The following USP3 variants were observed in gnomAD, a reference collection of about 807,000 sequenced individuals.
The protein encoded by USP3 is ubiquitin specific peptidase 3.
Under a neutral mutation model 72.3 loss-of-function variants are expected in USP3, and 20 were observed. The ratio of observed to expected loss-of-function variants is 0.28; its 90% CI spans 0.19 to 0.40. The LOEUF (loss-of-function observed/expected upper bound fraction) is 0.40. Among genes scored for constraint, USP3 ranks in the 10% least tolerant of loss-of-function variants. The pLI is 1.00. For synonymous variants in USP3, 222 were observed against 225.3 expected, an observed-to-expected ratio of 0.99 and a Z score of 0.13; for missense variants, 479 against 633.9, an observed-to-expected ratio of 0.76 and a Z score of 2.62.
chr15:63,589,051 G>A (rs755423653), intron 14 of USP3, 40 bp downstream of exon 14: 2 of 1,608,986 alleles, frequency 1.2e-6, no homozygotes. Context: ...GGGAATACCT[G>A]GTGGCCAGCC....
intron 2 of USP3, among the ~76,000 whole-genome samples, chr15:63,534,963 ACT>A (rs2066134510): frequency 6.6e-6 from 1 of 151,750 alleles, no homozygotes; most frequent in Non-Finnish European, 1.5e-5. Flanking sequence ...ACAGAGTCTC[ACT>A]CTGTCACCCA....
rs547847668 is a variant in USP3, at chr15:63,594,458, T to G, written c.*3632T>G. ...GAGCGTGATGGACTCTAGACTGCCTTCCATGAGTGTTGGTCATGCTATGAT... is the reference window on the plus strand; with the variant it reads ...GAGCGTGATGGACTCTAGACTGCCTGCCATGAGTGTTGGTCATGCTATGAT... On this transcript the variant is annotated 3_prime_UTR_variant, in exon 15 of 15. Transcript: ENST00000380324. 2.6e-5 allele frequency: 4 copies of G among 152,198 alleles called. 1 individual carries two copies. The highest frequency in any genetic ancestry group is 5.9e-5 in the Non-Finnish European group (4 of 68,050). The allele number at this position is 152,198 out of a possible 1,614,324, so 9.4% of individuals were successfully genotyped here.
chr15:63,507,342 T>C (rs998614459), intron 1 of USP3, among the ~76,000 whole-genome samples: 4 of 152,202 alleles, frequency 2.6e-5, no homozygotes, highest in African/African-American at 9.6e-5. Flanking sequence ...CAGTACCTAA[T>C]TGGACAAATA....
chr15:63,565,661 T>C (rs555111709), intron 8 of USP3, among the ~76,000 whole-genome samples: 1 of 152,320 alleles, frequency 6.6e-6, no homozygotes, highest in Admixed American at 6.5e-5. Flanking sequence ...TCATTTTTAA[T>C]GTAATTGGTG....
chr15:63,589,187 A>C (rs1171829772), intron 14 of USP3, 176 bp downstream of exon 14: 2 of 633,696 alleles, frequency 3.2e-6, no homozygotes, highest in Non-Finnish European at 5.4e-6. Flanking sequence ...GTGAAGGCTT[A>C]AGGGAAGGTA....
chr15:63,577,922 C>T (rs1275164860), intron 11 of USP3, among the ~76,000 whole-genome samples: 1 of 98,686 alleles, frequency 1.0e-5, no homozygotes. Context: ...GAGTGAGACC[C>T]TGCCTCAAAA....
At chr15:63,559,037 T>C (rs1427006811) in intron 6 of USP3, among the ~76,000 whole-genome samples, 2 of 152,164 alleles carry the variant, frequency 1.3e-5, no homozygotes, top group African/African-American at 2.4e-5. Flanking sequence ...TTTCAGTCAT[T>C]AGTTAAGTTT....
intron 1 of USP3, among the ~76,000 whole-genome samples, chr15:63,522,503 A>G (rs2065933226): frequency 6.6e-6 from 1 of 152,210 alleles, no homozygotes; most frequent in Non-Finnish European, 1.5e-5. Flanking sequence ...TTAGCCTCTA[A>G]GGATGTTGCT....
intron 3 of USP3, among the ~76,000 whole-genome samples, chr15:63,547,813 G>C (rs1430510950): frequency 4.0e-5 from 1 of 25,176 alleles, no homozygotes. Context: ...ATAGAGAGAG[G>C]CATAGAGAGA....
At chr15:63,518,757 C>A (rs1347568702) in intron 1 of USP3, among the ~76,000 whole-genome samples, 1 of 151,974 alleles carries the variant, frequency 6.6e-6, no homozygotes, top group Non-Finnish European at 1.5e-5. Context: ...TTTTGTTTTT[C>A]CCCAAGAACA....
intron 1 of USP3, chr15:63,530,448 G>C: frequency 3.3e-6 from 1 of 307,610 alleles, no homozygotes; most frequent in Non-Finnish European, 6.3e-6. Context: ...ACGTGGCTGA[G>C]ACTGTAGGCA....
At chr15:63,515,323 G>A (rs1018121342) in intron 1 of USP3, 2 of 152,236 alleles carry the variant, frequency 1.3e-5, no homozygotes, top group African/African-American at 4.8e-5. Context: ...AGAATATGTT[G>A]TTTCACACAC....
At chr15:63,555,782 G>A (rs1186413441) in intron 4 of USP3, among the ~76,000 whole-genome samples, 1 of 152,182 alleles carries the variant, frequency 6.6e-6, no homozygotes, top group Non-Finnish European at 1.5e-5. Context: ...GAGACACACA[G>A]TTCTGAAGAA....
At chr15:63,510,086 C>T (rs746459333) in intron 1 of USP3, among the ~76,000 whole-genome samples, 16 of 152,298 alleles carry the variant, frequency 1.1e-4, no homozygotes, top group Non-Finnish European at 2.2e-4. Flanking sequence ...GTAACAGCCT[C>T]CTTTTTCCTC....
intron 8 of USP3, among the ~76,000 whole-genome samples, chr15:63,567,341 ATTTTTTTTTTT>A (rs1276442905): frequency 8.4e-6 from 1 of 119,536 alleles, no homozygotes; most frequent in Non-Finnish European, 1.8e-5. Flanking sequence ...TGCCTGGCTA[ATTTTTTTTTTT>A]TTTTTTTTTT....
intron 5 of USP3, 71 bp downstream of exon 5, chr15:63,556,819 C>T (rs2066517883): frequency 1.4e-5 from 15 of 1,070,958 alleles, no homozygotes; most frequent in Middle Eastern, 3.1e-4. Context: ...ACAACTCTAA[C>T]ATGTAATGTT....
intron 7 of USP3, among the ~76,000 whole-genome samples, chr15:63,560,556 G>A (rs2066592357): frequency 6.6e-6 from 1 of 151,512 alleles, no homozygotes; most frequent in Non-Finnish European, 1.5e-5. Flanking sequence ...AGGTGTAGAT[G>A]ACTATGAATC....
chr15:63,557,400 T>C (rs1296789187), intron 5 of USP3, among the ~76,000 whole-genome samples: 1 of 151,982 alleles, frequency 6.6e-6, no homozygotes, highest in Non-Finnish European at 1.5e-5. Flanking sequence ...GTAGCTGGGA[T>C]TACAGGCACA....
Position 63,556,720 on chromosome 15 carries a change from C to G in USP3, c.422C>G (p.Thr141Arg). Residue 141 changes from threonine (T) to arginine (R), a missense_variant, in exon 5 of 15, where the codon ACA becomes AGA. Coordinates refer to ENST00000380324, the MANE Select transcript of USP3 (RefSeq NM_006537.4). ...AAAAGAAAACTTTTGGAAAACTCAA[C>G]ACTAAACAGCAAGTTATTAAAAGTA... ...HKKRKLLENS[T>R]LNSKLLKVNG... is the part of the protein sequence containing the mutation. The G allele has an allele frequency of 6.2e-7, 1 of 1,606,378 alleles. No homozygotes were observed. Among genetic ancestry groups the G allele is most frequent in the Non-Finnish European group, 8.5e-7 (1 of 1,176,650 alleles).
Sources: gnomAD v4.1 joint callset for allele counts (sites outside exome capture counted in the v4.1 genomes callset) on GRCh38, gnomAD v4.1.1 for gene constraint, MANE v1.5 for transcripts, NCBI Gene and HGNC (gene_info 2026-07-23, HGNC 2026-07-21) for gene names.